The following MAF variants were observed in gnomAD, a reference collection of about 807,000 sequenced individuals.
MAF encodes transcription factor Maf.
A neutral mutation model predicts 22.0 loss-of-function variants in MAF; 10 were observed. The ratio of observed to expected loss-of-function variants is 0.45; its 90% CI spans 0.28 to 0.77. The LOEUF (loss-of-function observed/expected upper bound fraction) is 0.77, where lower values mean the gene tolerates loss of function less well. Among genes scored for constraint, MAF ranks in the 30% least tolerant of loss-of-function variants. MAF has a pLI of 0.12. For synonymous variants in MAF, 337 were observed against 255.8 expected, an observed-to-expected ratio of 1.32 and a Z score of -3.03; for missense variants, 544 against 548.4, an observed-to-expected ratio of 0.99 and a Z score of 0.08.
At chr16:79,318,231 G>C in the MAF span, among the ~76,000 whole-genome samples, 7 of 152,292 alleles carry the variant, frequency 4.6e-5, no homozygotes, top group East Asian at 1.4e-3. Flanking sequence ...TGATCCACCT[G>C]TTCCCAGGTT....
chr16:79,207,472 T>G, the MAF span, among the ~76,000 whole-genome samples: 1 of 152,250 alleles, frequency 6.6e-6, no homozygotes, highest in Non-Finnish European at 1.5e-5. Flanking sequence ...CTTCCAGGGT[T>G]CATTCCTTTC....
chr16:79,435,959 G>A, the MAF span, among the ~76,000 whole-genome samples: 1 of 152,142 alleles, frequency 6.6e-6, no homozygotes, highest in Non-Finnish European at 1.5e-5. Context: ...GGTGCAGGAA[G>A]CCAAAACCAA....
At chr16:79,342,020 G>A in the MAF span, among the ~76,000 whole-genome samples, 1 of 152,298 alleles carries the variant, frequency 6.6e-6, no homozygotes, top group South Asian at 2.1e-4. Context: ...CTTTGATTAA[G>A]CACCTACACA....
the MAF span, among the ~76,000 whole-genome samples, chr16:79,399,580 A>T: frequency 6.6e-6 from 1 of 152,226 alleles, no homozygotes; most frequent in Admixed American, 6.5e-5. Context: ...ATTTTAAAAA[A>T]TCAGGGGCTT....
At chr16:79,492,766 A>T in the MAF span, among the ~76,000 whole-genome samples, 1 of 152,262 alleles carries the variant, frequency 6.6e-6, no homozygotes, top group Non-Finnish European at 1.5e-5. Context: ...AAGAGGCCAG[A>T]CCCAAAAGGG....
chr16:79,206,634 C>G, the MAF span: 1 of 152,222 alleles, frequency 6.6e-6, no homozygotes, highest in Non-Finnish European at 1.5e-5. Flanking sequence ...GGGCAGTTTG[C>G]AGGGCTGAGG....
chr16:79,422,518 G>C, the MAF span, among the ~76,000 whole-genome samples: 1 of 152,114 alleles, frequency 6.6e-6, no homozygotes, highest in Admixed American at 6.5e-5. Context: ...GATTCAATGA[G>C]CCTCTTTCTC....
At chr16:79,580,145 T>A in the MAF span, among the ~76,000 whole-genome samples, 1 of 152,164 alleles carries the variant, frequency 6.6e-6, no homozygotes, top group Non-Finnish European at 1.5e-5. Flanking sequence ...ACCCTGTATT[T>A]TTCTTCCAGG....
chr16:79,540,582 T>A, the MAF span, among the ~76,000 whole-genome samples: 50 of 152,308 alleles, frequency 3.3e-4, no homozygotes, highest in African/African-American at 8.7e-4. Flanking sequence ...CTCATTGGCA[T>A]GGTCAACTGG....
At chr16:79,225,231 T>C in the MAF span, among the ~76,000 whole-genome samples, 7 of 152,188 alleles carry the variant, frequency 4.6e-5, no homozygotes, top group Non-Finnish European at 1.0e-4. Flanking sequence ...ATCTGATCCT[T>C]GACAAACTTG....
At chr16:79,246,063 G>A in the MAF span, among the ~76,000 whole-genome samples, 2 of 152,146 alleles carry the variant, frequency 1.3e-5, no homozygotes, top group Admixed American at 6.5e-5. Flanking sequence ...GTCAGGGGGT[G>A]AGGGGTTAGC....
At chr16:79,310,573 C>T in the MAF span, among the ~76,000 whole-genome samples, 4 of 152,230 alleles carry the variant, frequency 2.6e-5, no homozygotes, top group Non-Finnish European at 5.9e-5. Flanking sequence ...CATCTCACCA[C>T]CACCGAGTGG....
the MAF span, among the ~76,000 whole-genome samples, chr16:79,321,271 A>C: frequency 6.6e-6 from 1 of 152,220 alleles, no homozygotes; most frequent in Non-Finnish European, 1.5e-5. Flanking sequence ...GGGGAATGGA[A>C]TCCATCACAC....
the MAF span, among the ~76,000 whole-genome samples, chr16:79,221,545 T>C: frequency 2.6e-5 from 4 of 152,226 alleles, no homozygotes; most frequent in African/African-American, 4.8e-5. Context: ...CTGTTTAAAG[T>C]ATTAAAATCA....
chr16:79,580,635 G>C, the MAF span, among the ~76,000 whole-genome samples: 2 of 152,212 alleles, frequency 1.3e-5, no homozygotes, highest in East Asian at 1.9e-4. Context: ...GGGCAGCTGA[G>C]TGGCCCCAGC....
the MAF span, among the ~76,000 whole-genome samples, chr16:79,361,478 TTAACCTC>T: frequency 6.6e-6 from 1 of 152,130 alleles, no homozygotes; most frequent in South Asian, 2.1e-4. Context: ...ACATAGCAGG[TTAACCTC>T]TAACATTTAG....
chr16:79,582,546 A>G (rs1377316143), downstream of MAF, among the ~76,000 whole-genome samples: 1 of 152,246 alleles, frequency 6.6e-6, no homozygotes, highest in Non-Finnish European at 1.5e-5. Flanking sequence ...AATTGATTAA[A>G]TCGGCTCAGT....
the MAF span, among the ~76,000 whole-genome samples, chr16:79,559,149 G>A: frequency 5.3e-5 from 8 of 152,096 alleles, no homozygotes; most frequent in East Asian, 3.9e-4. Context: ...TGGTTTGGGC[G>A]GGCTTAGCTA....
chr16:79,205,728 CTGGA>C, the MAF span: 1 of 152,108 alleles, frequency 6.6e-6, no homozygotes, highest in Non-Finnish European at 1.5e-5. Context: ...GTGTCTAAGG[CTGGA>C]TTGTTGAAGG....
Sources: allele counts gnomAD v4.1 joint callset (sites outside exome capture counted in the v4.1 genomes callset), GRCh38; gene constraint gnomAD v4.1.1; transcripts MANE v1.5; gene names NCBI Gene and HGNC (gene_info 2026-07-23, HGNC 2026-07-21).